Variants in CHST8 observed in about 807,000 individuals in gnomAD.
CHST8 encodes the protein GALNAC-4-ST1.
CHST8 carries 10 observed loss-of-function variants against 15.0 expected under a neutral mutation model. The ratio of observed to expected loss-of-function variants is 0.67; its 90% CI spans 0.41 to 1.13. The LOEUF is 1.13. Among genes scored for constraint, CHST8 ranks in the 50% most tolerant of loss-of-function variants. The probability of loss-of-function intolerance (pLI) is 0.00; values close to 1 mark genes in which losing one functional copy is unlikely to be tolerated. For missense variants in CHST8, 634 were observed against 608.2 expected, an observed-to-expected ratio of 1.04 and a Z score of -0.45; for synonymous variants, 259 against 256.6, an observed-to-expected ratio of 1.01 and a Z score of -0.09.
chr19:33,690,054 G>A (rs550798425), intron 3 of CHST8, among the ~76,000 whole-genome samples: 9 of 152,228 alleles, frequency 5.9e-5, no homozygotes, highest in Admixed American at 1.3e-4. Context: ...GCCGGGACAC[G>A]GTCCCCATCC....
intron 3 of CHST8, among the ~76,000 whole-genome samples, chr19:33,748,818 C>A (rs145891361): frequency 0.021 from 3,201 of 152,296 alleles, 54 homozygotes; most frequent in Non-Finnish European, 0.027. Context: ...GGCCACTTTG[C>A]TTCATCCAGA....
At chr19:33,720,213 A>G (rs188444610) in intron 3 of CHST8, among the ~76,000 whole-genome samples, 115 of 151,918 alleles carry the variant, frequency 7.6e-4, no homozygotes, top group Non-Finnish European at 1.2e-3. Flanking sequence ...ACACCCATAC[A>G]TGTACCACAC....
intron 1 of CHST8, among the ~76,000 whole-genome samples, chr19:33,650,952 C>G (rs1250608065): frequency 6.6e-6 from 1 of 152,126 alleles, no homozygotes; most frequent in Non-Finnish European, 1.5e-5. Context: ...CTGCCCACCT[C>G]AACCTCCCAA....
At chr19:33,700,332 C>A (rs534230220) in intron 3 of CHST8, among the ~76,000 whole-genome samples, 1 of 152,328 alleles carries the variant, frequency 6.6e-6, no homozygotes, top group African/African-American at 2.4e-5. Flanking sequence ...AAGTAGCTGG[C>A]AATACATTAT....
intron 3 of CHST8, among the ~76,000 whole-genome samples, chr19:33,707,566 T>C (rs369309976): frequency 2.0e-5 from 3 of 152,322 alleles, no homozygotes; most frequent in African/African-American, 7.2e-5. Context: ...TTGAGAGTCA[T>C]ATTTTTTGAT....
chr19:33,688,682 C>T, intron 2 of CHST8, among the ~76,000 whole-genome samples: 1 of 152,132 alleles, frequency 6.6e-6, no homozygotes, highest in East Asian at 1.9e-4. Flanking sequence ...GAGCTGCCTG[C>T]TCTATGGAGA....
At chr19:33,768,707 G>C (rs1427949883) in intron 3 of CHST8, among the ~76,000 whole-genome samples, 1 of 152,122 alleles carries the variant, frequency 6.6e-6, no homozygotes, top group African/African-American at 2.4e-5. Flanking sequence ...GCCCATCTCA[G>C]CCTCCCAAGT....
chr19:33,711,237 T>C (rs1296994209), intron 3 of CHST8, among the ~76,000 whole-genome samples: 1 of 152,158 alleles, frequency 6.6e-6, no homozygotes, highest in Non-Finnish European at 1.5e-5. Context: ...GGAAAGAAGC[T>C]ACCAGGCTTC....
intron 3 of CHST8, among the ~76,000 whole-genome samples, chr19:33,757,571 A>G (rs1974622877): frequency 2.1e-5 from 3 of 144,242 alleles, no homozygotes; most frequent in Admixed American, 1.4e-4. Context: ...AAAGAAAGAA[A>G]GAAAGAAAGA....
At chr19:33,715,611 C>A (rs1973651199) in intron 3 of CHST8, among the ~76,000 whole-genome samples, 1 of 152,156 alleles carries the variant, frequency 6.6e-6, no homozygotes, top group Non-Finnish European at 1.5e-5. Flanking sequence ...TGACAGAACC[C>A]CTGGAGGTGT....
At chr19:33,767,585 A>G (rs1974877146) in intron 3 of CHST8, among the ~76,000 whole-genome samples, 1 of 152,244 alleles carries the variant, frequency 6.6e-6, no homozygotes, top group Non-Finnish European at 1.5e-5. Context: ...TGCTCTTATC[A>G]TAGCGCATGT....
chr19:33,755,834 A>C (rs138748237), intron 3 of CHST8, among the ~76,000 whole-genome samples: 3,231 of 152,286 alleles, frequency 0.021, 55 homozygotes, highest in East Asian at 0.028. Context: ...GTGACCCCAG[A>C]CGCCCTACCA....
chr19:33,648,138 G>A (rs937175447), intron 1 of CHST8, among the ~76,000 whole-genome samples: 9 of 152,068 alleles, frequency 5.9e-5, no homozygotes, highest in Non-Finnish European at 1.2e-4. Context: ...GGTCAAAGCC[G>A]GGAGGGCAGA....
At chr19:33,642,746 G>C (rs544714759) in intron 1 of CHST8, among the ~76,000 whole-genome samples, 14 of 152,368 alleles carry the variant, frequency 9.2e-5, no homozygotes, top group Middle Eastern at 3.4e-3. Context: ...AATCCTTCTG[G>C]CTCTGGTGTT....
chr19:33,765,509 G>A (rs939047664), intron 3 of CHST8, among the ~76,000 whole-genome samples: 7 of 136,130 alleles, frequency 5.1e-5, no homozygotes, highest in African/African-American at 2.1e-4. Context: ...ACAAATGCCA[G>A]TCTTTGTGTG....
At chr19:33,740,650 T>C (rs1568350413) in intron 3 of CHST8, among the ~76,000 whole-genome samples, 1 of 152,212 alleles carries the variant, frequency 6.6e-6, no homozygotes, top group Non-Finnish European at 1.5e-5. Flanking sequence ...TTCAGGAGGT[T>C]CAGCAAGCCC....
At chr19:33,755,406 TAAATC>T (rs929589384) in intron 3 of CHST8, among the ~76,000 whole-genome samples, 10 of 152,324 alleles carry the variant, frequency 6.6e-5, no homozygotes, top group East Asian at 3.9e-4. Flanking sequence ...CCTCCGGACA[TAAATC>T]AAGTCATTAG....
At chr19:33,659,158 C>T (rs371139058) in intron 1 of CHST8, among the ~76,000 whole-genome samples, 5 of 150,300 alleles carry the variant, frequency 3.3e-5, no homozygotes, top group South Asian at 2.1e-4. Flanking sequence ...CTCCGCCTCC[C>T]GGGTTCAAGC....
At chr19:33,646,436 C>T (rs772315512) in intron 1 of CHST8, among the ~76,000 whole-genome samples, 5 of 152,168 alleles carry the variant, frequency 3.3e-5, no homozygotes, top group Admixed American at 6.5e-5. Context: ...AAAGCAAGGT[C>T]TGAAAGATAC....
Sources: gnomAD v4.1 joint callset for allele counts (sites outside exome capture counted in the v4.1 genomes callset) on GRCh38, gnomAD v4.1.1 for gene constraint, MANE v1.5 for transcripts, NCBI Gene and HGNC (gene_info 2026-07-23, HGNC 2026-07-21) for gene names.